The following SCRN3 variants were observed in gnomAD, a reference collection of about 807,000 sequenced individuals.
SCRN3 encodes secernin 3.
In SCRN3, 39 loss-of-function variants were observed where a neutral mutation model predicts 43.1. That is an observed-to-expected ratio of 0.91 (90% CI 0.70 to 1.18). The LOEUF is 1.18. SCRN3 is among the 50% of genes most tolerant of loss of function. SCRN3 has a pLI of 0.00. For synonymous variants in SCRN3, 147 were observed against 163.1 expected (o/e 0.90, Z 0.75); for missense variants, 484 against 498.0 (o/e 0.97, Z 0.27).
rs768323843 is a variant in SCRN3, at chr2:174,401,013, C to A, written c.365C>A (p.Thr122Lys). Reference protein sequence around the residue: ...LVRLGLERADTAEKALNVIVD... With the variant: ...LVRLGLERADKAEKALNVIVD... The stretch of plus-strand genomic sequence containing the variant: ...AGACTTGGCCTTGAAAGAGCTGATA[C>A]AGCTGAAAAAGCCCTCAATGTCATT... The change falls in exon 4 of 8, where the codon ACA becomes AAA. Residue 122 changes from threonine to lysine, a missense_variant. Coordinates refer to ENST00000272732, the MANE Select transcript of SCRN3 (RefSeq NM_024583.5). 1 of 1,612,960 alleles carries A rather than the reference C, an allele frequency of 6.2e-7. No homozygotes were observed. Among genetic ancestry groups the A allele is most frequent in the Admixed American group, 1.7e-5 (1 of 59,884 alleles).
intron 5 of SCRN3, among the ~76,000 whole-genome samples, chr2:174,414,488 G>A (rs994291798): frequency 5.3e-5 from 8 of 151,976 alleles, no homozygotes; most frequent in Non-Finnish European, 8.8e-5. Context: ...AGCAATATAC[G>A]ATGTAGATCA....
intron 5 of SCRN3, among the ~76,000 whole-genome samples, chr2:174,421,555 C>G (rs993269061): frequency 6.6e-6 from 1 of 152,160 alleles, no homozygotes; most frequent in African/African-American, 2.4e-5. Flanking sequence ...CAGGACTCCT[C>G]TAATGGCTGA....
intron 2 of SCRN3, among the ~76,000 whole-genome samples, chr2:174,399,493 A>C (rs932934861): frequency 6.6e-6 from 1 of 152,124 alleles, no homozygotes; most frequent in African/African-American, 2.4e-5. Context: ...TTAAGCTTCA[A>C]CTCACACATC....
At chr2:174,422,782 C>T (rs1686335722) in intron 5 of SCRN3, 103 bp from the exon 6 acceptor site, 1 of 643,636 alleles carries the variant, frequency 1.6e-6, no homozygotes, top group Admixed American at 3.0e-5. Context: ...TAATTTATGT[C>T]AAGACTAATA....
At chr2:174,424,443 C>T in intron 6 of SCRN3, 32 bp from the exon 7 acceptor site, 1 of 1,414,804 alleles carries the variant, frequency 7.1e-7, no homozygotes, top group Non-Finnish European at 9.8e-7. Context: ...TATATATTGA[C>T]ATGATAATTT....
Position 174,400,683 on chromosome 2 carries a change from T to C in SCRN3, c.342-307T>C, listed in dbSNP as rs192110261. Among the ~76,000 whole-genome samples the C allele has an allele frequency of 2.4e-3, 368 of 152,344 alleles. 2 individuals carry two copies. The highest frequency in any genetic ancestry group is 4.1e-3 in the Non-Finnish European group (277 of 68,032). On this transcript the variant is annotated intron_variant, in intron 3 of 7. Coordinates refer to ENST00000272732, the MANE Select transcript of SCRN3 (RefSeq NM_024583.5). Reference sequence around the variant, plus strand: ...TAACATACTTTAATCACACCTTAACTAATTCTCACAATAACCTCATGGGCT... The same window carrying C: ...TAACATACTTTAATCACACCTTAACCAATTCTCACAATAACCTCATGGGCT...
intron 1 of SCRN3, chr2:174,396,337 A>G (rs1388197797): frequency 1.0e-6 from 1 of 985,686 alleles, no homozygotes; most frequent in Non-Finnish European, 1.2e-6. Flanking sequence ...GCTAGGTGCA[A>G]TTCTAACCAG....
chr2:174,420,099 A>G (rs767776487), intron 5 of SCRN3, among the ~76,000 whole-genome samples: 1 of 152,202 alleles, frequency 6.6e-6, no homozygotes, highest in Non-Finnish European at 1.5e-5. Flanking sequence ...TAAGCAGCAC[A>G]TAGGTAGGAT....
chr2:174,424,712 GAAC>G, intron 7 of SCRN3, 63 bp downstream of exon 7: 1 of 1,317,988 alleles, frequency 7.6e-7, no homozygotes, highest in Non-Finnish European at 1.1e-6. Flanking sequence ...TCCGTATTTT[GAAC>G]TTTGGAGTAT....
intron 3 of SCRN3, 129 bp from the exon 4 acceptor site, chr2:174,400,861 A>T: frequency 1.3e-6 from 1 of 754,458 alleles, no homozygotes; most frequent in Non-Finnish European, 2.1e-6. Flanking sequence ...TTTTAAAGTT[A>T]GATGTCATTT....
Position 174,404,295 on chromosome 2 carries a change from A to G in SCRN3, c.734A>G (p.Lys245Arg), listed in dbSNP as rs753545674. The change falls in exon 5 of 8, where the codon AAG (lysine) becomes AGG (arginine). Residue 245 changes from lysine (K) to arginine (R), a missense_variant. Physicochemically the swap from Lys to Arg is conservative, Grantham distance 26. Coordinates refer to ENST00000272732, the MANE Select transcript of SCRN3 (RefSeq NM_024583.5). The part of the protein sequence containing the change: ...TSSGRYCEGY[K>R]LLNKHKGNIT... ...TCAGGCAGATACTGTGAGGGCTACA[A>G]GCTTCTAAATAAGCACAAAGGTAAT... 1.2e-6 allele frequency: 2 copies of G among 1,613,202 alleles called. No homozygotes were observed. Among genetic ancestry groups the G allele is most frequent in the Non-Finnish European group, 1.7e-6 (2 of 1,179,304 alleles).
chr2:174,404,561 T>A (rs888132531), intron 5 of SCRN3, among the ~76,000 whole-genome samples: 8 of 140,590 alleles, frequency 5.7e-5, no homozygotes, highest in Non-Finnish European at 1.1e-4. Context: ...ACCCACTAAC[T>A]CGTCATCTAG....
chr2:174,417,576 G>A (rs987149565), intron 5 of SCRN3, among the ~76,000 whole-genome samples: 5 of 152,154 alleles, frequency 3.3e-5, no homozygotes, highest in Admixed American at 6.5e-5. Flanking sequence ...TGTATTTTTA[G>A]TAGAGACAGG....
intron 5 of SCRN3, among the ~76,000 whole-genome samples, chr2:174,406,048 C>A (rs1192796980): frequency 7.2e-6 from 1 of 138,410 alleles, no homozygotes. Context: ...TTACCTTGGG[C>A]AGTATGGCCA....
intron 6 of SCRN3, 132 bp from the exon 7 acceptor site, chr2:174,424,343 T>C: frequency 1.5e-6 from 1 of 655,428 alleles, no homozygotes. Flanking sequence ...GTATAACTAA[T>C]GTGACAGGAA....
At position 174,400,050 on chromosome 2, in the gene SCRN3, G is replaced by A. The variant is rs1454954398; in HGVS notation, c.288G>A (p.Trp96Ter). The change falls in exon 3 of 8, where the codon TGG becomes TGA. Residue 96 changes from tryptophan to a stop codon, truncating the protein, a stop_gained. Transcript: ENST00000272732. LOFTEE classifies it high-confidence loss of function. Reference protein sequence around the residue: ...HGVCIGNEAVWGREEVCDEEA... With the variant: ...HGVCIGNEAV The stretch of plus-strand genomic sequence containing the variant: ...TTTGCATTGGGAATGAAGCTGTATG[G>A]GGAAGAGAAGAAGTTTGTGATGAAG... 77 of 1,597,380 alleles carry A rather than the reference G, an allele frequency of 4.8e-5. No individual in the cohort carries two copies. Among genetic ancestry groups the A allele is most frequent in the Non-Finnish European group, 6.2e-5 (73 of 1,174,138 alleles).
chr2:174,399,078 A>C (rs148407587), intron 2 of SCRN3, among the ~76,000 whole-genome samples: 80 of 152,322 alleles, frequency 5.3e-4, no homozygotes, highest in African/African-American at 1.9e-3. Context: ...GATCCTTTAA[A>C]AACTTATTTT....
intron 5 of SCRN3, among the ~76,000 whole-genome samples, chr2:174,405,778 T>C (rs904864168): frequency 2.2e-4 from 34 of 151,486 alleles, no homozygotes; most frequent in African/African-American, 7.7e-4. Flanking sequence ...AGTTATGTGG[T>C]GTTATTTCTG....
intron 7 of SCRN3, 46 bp from the exon 8 acceptor site, chr2:174,427,667 A>G: frequency 8.4e-7 from 1 of 1,195,876 alleles, no homozygotes; most frequent in South Asian, 1.8e-5. Context: ...GGTTAGATTT[A>G]TGTGTATATG....
Sources: gnomAD v4.1 joint callset for allele counts (sites outside exome capture counted in the v4.1 genomes callset) on GRCh38, gnomAD v4.1.1 for gene constraint, MANE v1.5 for transcripts, NCBI Gene and HGNC (gene_info 2026-07-23, HGNC 2026-07-21) for gene names.